CCDC93: variants seen among roughly 807,000 people sequenced by gnomAD.
CCDC93 encodes the protein coiled-coil domain-containing protein 93.
A neutral mutation model predicts 108.2 loss-of-function variants in CCDC93; 61 were observed. That is an observed-to-expected ratio of 0.56 (90% CI 0.46 to 0.70). The LOEUF is 0.70. CCDC93 is among the 30% of genes least tolerant of loss of function. The pLI is 0.00. For missense variants in CCDC93, 685 were observed against 764.2 expected (o/e 0.90, Z 1.22); for synonymous variants, 276 against 260.4 (o/e 1.06, Z -0.58).
intron 8 of CCDC93, 48 bp downstream of exon 8, chr2:117,977,946 C>T (rs376751954): frequency 7.3e-5 from 112 of 1,544,480 alleles, no homozygotes; most frequent in Admixed American, 1.8e-4. Context: ...TGAAGGGAGT[C>T]ACTTCCATCT....
chr2:117,962,176 AG>A (rs1679418002), intron 11 of CCDC93, among the ~76,000 whole-genome samples: 2 of 152,242 alleles, frequency 1.3e-5, no homozygotes, highest in South Asian at 4.1e-4. Context: ...GAAACCCAAA[AG>A]GTTATTTACA....
intron 21 of CCDC93, among the ~76,000 whole-genome samples, chr2:117,936,249 G>A (rs1452843159): frequency 2.0e-5 from 3 of 152,094 alleles, no homozygotes; most frequent in Non-Finnish European, 4.4e-5. Context: ...GGACATGCTT[G>A]AGGGCTTGAT....
chr2:117,965,704 C>CA (rs1679542285), intron 11 of CCDC93, among the ~76,000 whole-genome samples: 2 of 152,090 alleles, frequency 1.3e-5, no homozygotes, highest in African/African-American at 4.8e-5. Context: ...TTGACTGACT[C>CA]CTTACTGGAA....
At chr2:117,946,780 A>C (rs1452950774) in intron 16 of CCDC93, 31 bp downstream of exon 16, 4 of 1,497,924 alleles carry the variant, frequency 2.7e-6, no homozygotes, top group Non-Finnish European at 3.7e-6. Context: ...ATAGCACCTG[A>C]GAGTCTCAAG....
chr2:117,975,380 G>T, intron 8 of CCDC93, 100 bp from the exon 9 acceptor site: 1 of 839,526 alleles, frequency 1.2e-6, no homozygotes, highest in South Asian at 1.5e-5. Flanking sequence ...AAAAAACACA[G>T]ACCTGCAGAG....
intron 21 of CCDC93, 180 bp downstream of exon 21, chr2:117,936,522 G>A (rs1158154958): frequency 2.1e-5 from 13 of 605,958 alleles, no homozygotes; most frequent in Non-Finnish European, 9.0e-6. Context: ...TAGTTTTGCA[G>A]GTACTCAAGG....
chr2:117,948,031 A>C (rs1054165114), intron 15 of CCDC93, 74 bp downstream of exon 15: 1 of 1,227,912 alleles, frequency 8.1e-7, no homozygotes, highest in Admixed American at 1.7e-5. Flanking sequence ...AGGATGCCAC[A>C]ACAGGACAAC....
At chr2:118,012,672 T>C (rs748470848) in intron 1 of CCDC93, 1 of 152,244 alleles carries the variant, frequency 6.6e-6, no homozygotes, top group Non-Finnish European at 1.5e-5. Context: ...TTGTTCACTA[T>C]CCTGGGTCCC....
At chr2:118,006,420 G>A (rs1573533463) in intron 3 of CCDC93, among the ~76,000 whole-genome samples, 1 of 152,354 alleles carries the variant, frequency 6.6e-6, no homozygotes, top group South Asian at 2.1e-4. Flanking sequence ...CAGGCAAAGT[G>A]AGACTCTGCC....
chr2:117,954,608 T>C (rs1679160426), intron 12 of CCDC93, among the ~76,000 whole-genome samples: 1 of 152,162 alleles, frequency 6.6e-6, no homozygotes, highest in Admixed American at 6.5e-5. Flanking sequence ...TAACACCACC[T>C]CTCTGGATTT....
intron 7 of CCDC93, among the ~76,000 whole-genome samples, chr2:117,980,659 T>C (rs550793435): frequency 1.3e-5 from 2 of 152,302 alleles, no homozygotes; most frequent in South Asian, 4.1e-4. Context: ...GAGGAAGAAA[T>C]TTGCTTCATT....
intron 7 of CCDC93, among the ~76,000 whole-genome samples, chr2:117,982,766 G>A (rs1349885910): frequency 8.5e-6 from 1 of 118,050 alleles, no homozygotes; most frequent in African/African-American, 3.2e-5. Context: ...GGGGGGGGGG[G>A]TGCGTGAGGA....
chr2:117,947,708 T>C (rs1411158966), intron 15 of CCDC93, among the ~76,000 whole-genome samples: 1 of 150,500 alleles, frequency 6.6e-6, no homozygotes, highest in African/African-American at 2.4e-5. Context: ...TTTTTTTTTT[T>C]TTTGAGATGG....
chr2:117,937,223 G>A (rs760364407), intron 20 of CCDC93, among the ~76,000 whole-genome samples: 3 of 152,198 alleles, frequency 2.0e-5, no homozygotes, highest in African/African-American at 4.8e-5. Context: ...CTGGGTGGCT[G>A]AGTGCCTCCA....
intron 5 of CCDC93, 164 bp from the exon 6 acceptor site, chr2:117,995,666 C>T (rs1318107629): frequency 9.9e-6 from 6 of 607,024 alleles, no homozygotes; most frequent in Non-Finnish European, 1.8e-5. Context: ...TGGGAAAAGG[C>T]TACAAACCCT....
At position 117,928,136 on chromosome 2, in the gene CCDC93, G is replaced by T. The variant is rs562757022; in HGVS notation, c.1842+2901C>A. Among the ~76,000 whole-genome samples, 537 of 152,204 alleles carry T rather than the reference G, an allele frequency of 3.5e-3. 4 individuals carry two copies. Among genetic ancestry groups the T allele is most frequent in the African/African-American group, 0.012 (514 of 41,536 alleles). On this transcript the variant is annotated intron_variant, in intron 23 of 23. Transcript: ENST00000376300. ...CAAGACGGATTAAAGACTTAAATGT[G>T]AGACCTAAAACCATAAAAACCCTAG...
intron 7 of CCDC93, among the ~76,000 whole-genome samples, chr2:117,978,307 T>G (rs1164545491): frequency 6.6e-6 from 1 of 152,222 alleles, no homozygotes; most frequent in Non-Finnish European, 1.5e-5. Flanking sequence ...ATTATGACTT[T>G]TTGAATCAGC....
intron 8 of CCDC93, among the ~76,000 whole-genome samples, chr2:117,976,666 A>C (rs1302680429): frequency 2.0e-5 from 3 of 152,232 alleles, no homozygotes; most frequent in African/African-American, 7.2e-5. Context: ...GATGCTGTCA[A>C]CTAATGTACA....
At chr2:117,958,220 T>A in intron 12 of CCDC93, 145 bp downstream of exon 12, 2 of 611,482 alleles carry the variant, frequency 3.3e-6, no homozygotes. Flanking sequence ...ATGGATGTGT[T>A]ATGTTGTAAT....
Sources: gnomAD v4.1 joint callset for allele counts (sites outside exome capture counted in the v4.1 genomes callset) on GRCh38, gnomAD v4.1.1 for gene constraint, MANE v1.5 for transcripts, NCBI Gene and HGNC (gene_info 2026-07-23, HGNC 2026-07-21) for gene names.